Variants in RTL4 observed in about 807,000 individuals in gnomAD.
RTL4 encodes the protein retrotransposon Gag like 4.
In RTL4, 4 loss-of-function variants were observed where a neutral mutation model predicts 5.3. The observed-to-expected ratio is 0.75, with a 90% CI of 0.37 to 1.72. The LOEUF is 1.72. Ranked by LOEUF, RTL4 falls within the 40% of genes most tolerant of loss-of-function variation. The pLI is 0.04. For missense variants in RTL4, 260 were observed against 227.1 expected, an observed-to-expected ratio of 1.14 and a Z score of -0.93; for synonymous variants, 98 against 87.3, an observed-to-expected ratio of 1.12 and a Z score of -0.68.
the RTL4 span, among the ~76,000 whole-genome samples, chrX:112,161,844 CCTTTCTTT>C: frequency 5.0e-5 from 2 of 40,077 alleles, no homozygotes; most frequent in African/African-American, 2.3e-4. Flanking sequence ...TTCCTTCCTT[CCTTTCTTT>C]CTTTCTTTCT....
At chrX:112,316,134 G>A in the RTL4 span, among the ~76,000 whole-genome samples, 2 of 111,814 alleles carry the variant, frequency 1.8e-5, no homozygotes, top group East Asian at 5.7e-4. Context: ...ACTTTTGCCA[G>A]CCTGAAATGT....
At chrX:112,301,965 GA>G in the RTL4 span, among the ~76,000 whole-genome samples, 929 of 80,511 alleles carry the variant, frequency 0.012, 9 homozygotes, top group Middle Eastern at 0.023. Flanking sequence ...CCCTGTCAAA[GA>G]AAAAAAAAAA....
At chrX:112,170,408 T>C in the RTL4 span, among the ~76,000 whole-genome samples, 1 of 112,345 alleles carries the variant, frequency 8.9e-6, no homozygotes, top group African/African-American at 3.2e-5. Context: ...CACTTGTTTG[T>C]GTCCTCTCTG....
chrX:112,302,219 CCACTG>C, the RTL4 span, among the ~76,000 whole-genome samples: 22,518 of 102,571 alleles, frequency 0.22, 2,418 homozygotes, highest in Admixed American at 0.31. Context: ...GGAGATCACG[CCACTG>C]CACTCCAGCC....
At chrX:112,126,287 A>T in the RTL4 span, among the ~76,000 whole-genome samples, 1 of 112,481 alleles carries the variant, frequency 8.9e-6, no homozygotes, top group South Asian at 3.7e-4. Flanking sequence ...TGTAATTTAA[A>T]GTAGTACCTT....
chrX:112,131,983 C>T, the RTL4 span, among the ~76,000 whole-genome samples: 36 of 111,424 alleles, frequency 3.2e-4, 1 homozygote, highest in East Asian at 8.5e-3. Context: ...ATTTTATAAA[C>T]GAAGAAAGAG....
the RTL4 span, among the ~76,000 whole-genome samples, chrX:112,247,384 G>A: frequency 3.6e-5 from 4 of 111,752 alleles, no homozygotes; most frequent in Admixed American, 2.9e-4. Context: ...CATTACCCAT[G>A]AATGGAATCA....
the RTL4 span, among the ~76,000 whole-genome samples, chrX:112,107,779 C>G: frequency 1.8e-5 from 2 of 111,390 alleles, no homozygotes; most frequent in Admixed American, 9.6e-5. Flanking sequence ...TATAATATGT[C>G]CTGAGGTCGT....
At chrX:112,232,121 G>T in the RTL4 span, among the ~76,000 whole-genome samples, 5 of 111,750 alleles carry the variant, frequency 4.5e-5, no homozygotes, top group South Asian at 1.9e-3. Flanking sequence ...AGAAATCTTA[G>T]GTTAAGATAC....
At chrX:112,181,205 G>C in the RTL4 span, among the ~76,000 whole-genome samples, 1 of 111,771 alleles carries the variant, frequency 8.9e-6, no homozygotes, top group Non-Finnish European at 1.9e-5. Flanking sequence ...GATTTGCTTG[G>C]GTACCTACAA....
chrX:112,255,853 T>C, the RTL4 span, among the ~76,000 whole-genome samples: 1 of 112,071 alleles, frequency 8.9e-6, no homozygotes, highest in African/African-American at 3.2e-5. Context: ...GAGGCAAATA[T>C]CTTTCCTAAT....
At chrX:112,351,566 A>G in the RTL4 span, among the ~76,000 whole-genome samples, 4 of 107,596 alleles carry the variant, frequency 3.7e-5, no homozygotes, top group African/African-American at 1.4e-4. Flanking sequence ...TTGGGTGCAT[A>G]TATATTTAGG....
chrX:112,429,012 CTTTACT>C, the RTL4 span, among the ~76,000 whole-genome samples: 1 of 111,470 alleles, frequency 9.0e-6, no homozygotes, highest in African/African-American at 3.2e-5. Context: ...TTCTTCTTCC[CTTTACT>C]TTTAATCTAA....
At chrX:112,454,735 A>G (rs1926802327) in exon 1 of RTL4, 1 of 1,180,130 alleles carries the variant, frequency 8.5e-7, no homozygotes, top group African/African-American at 1.8e-5. Flanking sequence ...CATAATGGAG[A>G]AGTGCACGAA....
chrX:112,211,985 T>A, the RTL4 span, among the ~76,000 whole-genome samples: 2 of 112,378 alleles, frequency 1.8e-5, no homozygotes, highest in African/African-American at 6.5e-5. Flanking sequence ...TACTACCTAC[T>A]CACTGTGCAA....
At chrX:112,167,941 A>G in the RTL4 span, among the ~76,000 whole-genome samples, 2 of 110,596 alleles carry the variant, frequency 1.8e-5, no homozygotes, top group African/African-American at 6.5e-5. Flanking sequence ...TCTTTTATCT[A>G]TCTTTGTATT....
At chrX:112,236,449 A>ATAGATATAGATCTATATCTATATC in the RTL4 span, among the ~76,000 whole-genome samples, 8 of 81,211 alleles carry the variant, frequency 9.9e-5, 1 homozygote, top group African/African-American at 4.1e-4. Context: ...ATATCTATAT[A>ATAGATATAGATCTATATCTATATC]TAGATATAGA....
At chrX:112,355,638 G>A in the RTL4 span, among the ~76,000 whole-genome samples, 1 of 110,904 alleles carries the variant, frequency 9.0e-6, no homozygotes, top group Non-Finnish European at 1.9e-5. Flanking sequence ...GAGATAGTGA[G>A]CAAGATGTTG....
chrX:112,273,755 G>T, the RTL4 span, among the ~76,000 whole-genome samples: 1 of 111,487 alleles, frequency 9.0e-6, no homozygotes, highest in Non-Finnish European at 1.9e-5. Flanking sequence ...TACCAGTTGT[G>T]CTTTGTGACC....
Sources: gnomAD v4.1 joint callset for allele counts (sites outside exome capture counted in the v4.1 genomes callset) on GRCh38, gnomAD v4.1.1 for gene constraint, MANE v1.5 for transcripts, NCBI Gene and HGNC (gene_info 2026-07-23, HGNC 2026-07-21) for gene names.